Variants in MYO5A observed in about 807,000 individuals in gnomAD.
MYO5A encodes the protein myosin VA, also known as unconventional myosin-Va.
A neutral mutation model predicts 249.7 loss-of-function variants in MYO5A; 98 were observed. The ratio of observed to expected loss-of-function variants is 0.39; its 90% CI spans 0.33 to 0.46. MYO5A has a LOEUF of 0.46. Among genes scored for constraint, MYO5A ranks in the 20% least tolerant of loss-of-function variants. MYO5A has a pLI of 0.98. For synonymous variants in MYO5A, 778 were observed against 810.6 expected (o/e 0.96, Z 0.68); for missense variants, 1,696 against 2,308.8 (o/e 0.73, Z 5.44).
At chr15:52,350,164 C>G (rs2039869043) in intron 28 of MYO5A, among the ~76,000 whole-genome samples, 1 of 152,182 alleles carries the variant, frequency 6.6e-6, no homozygotes, top group African/African-American at 2.4e-5. Context: ...GATCTCCTGA[C>G]CTCGTGATCT....
At chr15:52,413,793 A>G (rs58043289) in intron 5 of MYO5A, among the ~76,000 whole-genome samples, 1 of 152,066 alleles carries the variant, frequency 6.6e-6, no homozygotes, top group African/African-American at 2.4e-5. Context: ...TCTTAATCCA[A>G]ATTCTTATAG....
chr15:52,372,751 A>G (rs890299820), intron 20 of MYO5A, among the ~76,000 whole-genome samples: 2 of 152,194 alleles, frequency 1.3e-5, no homozygotes, highest in African/African-American at 4.8e-5. Context: ...TTCTGTTGGC[A>G]ACAGATGATC....
chr15:52,409,435 G>GT (rs1886981637), intron 6 of MYO5A, among the ~76,000 whole-genome samples: 1 of 152,116 alleles, frequency 6.6e-6, no homozygotes, highest in Admixed American at 6.5e-5. Flanking sequence ...TACTTCATTT[G>GT]TATTGCCTTA....
chr15:52,337,959 A>G (rs2039196997), intron 32 of MYO5A, 75 bp from the exon 33 acceptor site: 9 of 876,702 alleles, frequency 1.0e-5, no homozygotes, highest in Non-Finnish European at 1.6e-5. Flanking sequence ...AGCAAAATCA[A>G]TTTTAAAATA....
rs1342075152 is a variant in MYO5A at position 52,312,153 on chromosome 15, C to T, written c.*1543G>A. Reference sequence around the variant, plus strand: ...GAACCAAATCCTCTGTAAAATTCAACAATCTTCTATTTCTTATATAAGTCT... The same window carrying T: ...GAACCAAATCCTCTGTAAAATTCAATAATCTTCTATTTCTTATATAAGTCT... On this transcript the variant is annotated 3_prime_UTR_variant, in exon 42 of 42. Coordinates refer to ENST00000399233, the MANE Select transcript of MYO5A (RefSeq NM_001382347.1). The T allele has an allele frequency of 2.0e-5, 3 of 152,140 alleles. No homozygotes were observed. Among genetic ancestry groups the T allele is most frequent in the Non-Finnish European group, 4.4e-5 (3 of 68,018 alleles). The allele number at this position is 152,140 out of a possible 1,614,324, so 9.4% of individuals were successfully genotyped here. A position where few individuals can be genotyped will look rare whatever the true frequency, so the allele number is the denominator to read the frequency against.
rs751293557 is a variant in MYO5A, at chr15:52,313,704, G to T, written c.5635C>A (p.Arg1879=). Residue 1879 remains arginine (R), a synonymous_variant, in exon 42 of 42, where the codon CGG becomes AGG. Coordinates refer to ENST00000399233, the MANE Select transcript of MYO5A (RefSeq NM_001382347.1). ...TTGCCTGGACATCACTTTCAGACCC[G>T]TGAAATGAAGCCCAGGCCGAGGCTG... ...PASLGLGFIS[R]V The T allele has an allele frequency of 2.5e-6, 4 of 1,614,140 alleles. No individual in the cohort carries two copies. In the South Asian group the frequency reaches 4.4e-5, roughly 18 times the overall value.
intron 24 of MYO5A, 109 bp from the exon 25 acceptor site, chr15:52,360,190 T>G: frequency 1.3e-6 from 1 of 756,106 alleles, no homozygotes; most frequent in Non-Finnish European, 2.3e-6. Context: ...TGACTTGTAT[T>G]GGTGCCCAAG....
rs1043884812 is a variant in MYO5A at position 52,488,435 on chromosome 15, A to G, written c.27+40345T>C. On this transcript the variant is annotated intron_variant, in intron 1 of 41. Coordinates refer to ENST00000399233, the MANE Select transcript of MYO5A (RefSeq NM_001382347.1). Reference sequence around the variant, plus strand: ...ATTAGTTGTACACATGATCAAATACATTCTATAAAGCAAATATGTGAACTC... The same window carrying G: ...ATTAGTTGTACACATGATCAAATACGTTCTATAAAGCAAATATGTGAACTC... Among the ~76,000 whole-genome samples the G allele has an allele frequency of 3.9e-5, 6 of 152,364 alleles. No individual in the cohort carries two copies. The Middle Eastern group carries it at 0.014, about 345-fold the overall frequency.
chr15:52,309,411 C>CT lies in MYO5A; in HGVS notation c.*4284dup, dbSNP rs1473187215. On this transcript the variant is annotated 3_prime_UTR_variant, in exon 42 of 42. Coordinates refer to ENST00000399233, the MANE Select transcript of MYO5A (RefSeq NM_001382347.1). ...GGTTCCCACATGCCAGCTGCCAACT[C>CT]TGATAAAAAAGCACCCCTTGCTGGC... The CT allele has an allele frequency of 6.6e-6, 1 of 152,266 alleles. No individual in the cohort carries two copies. The highest frequency in any genetic ancestry group is 6.5e-5 in the Admixed American group (1 of 15,284). 9.4% of individuals were successfully genotyped at this position (152,266 alleles called of 1,614,324 possible).
chr15:52,464,364 C>G (rs2076312979), intron 1 of MYO5A, among the ~76,000 whole-genome samples: 1 of 152,224 alleles, frequency 6.6e-6, no homozygotes, highest in African/African-American at 2.4e-5. Flanking sequence ...ACTACAAGTT[C>G]AATGCCATTG....
intron 1 of MYO5A, among the ~76,000 whole-genome samples, chr15:52,452,627 C>T (rs1027950028): frequency 1.3e-5 from 2 of 152,044 alleles, no homozygotes; most frequent in African/African-American, 2.4e-5. Flanking sequence ...CCTAGCCAGC[C>T]TTTCCACACT....
At chr15:52,469,545 G>C (rs901682742) in intron 1 of MYO5A, among the ~76,000 whole-genome samples, 7 of 152,158 alleles carry the variant, frequency 4.6e-5, no homozygotes, top group African/African-American at 1.7e-4. Context: ...AGCAGAGATA[G>C]AGGAGACAGA....
chr15:52,426,268 T>C (rs2075391815), intron 3 of MYO5A, among the ~76,000 whole-genome samples: 1 of 152,138 alleles, frequency 6.6e-6, no homozygotes, highest in Non-Finnish European at 1.5e-5. Flanking sequence ...AAATTCCACT[T>C]TACTTCTACA....
At chr15:52,474,825 A>T (rs975777072) in intron 1 of MYO5A, among the ~76,000 whole-genome samples, 6 of 152,170 alleles carry the variant, frequency 3.9e-5, no homozygotes, top group Non-Finnish European at 8.8e-5. Flanking sequence ...ATCGATGTTC[A>T]TCAGGGATAT....
At chr15:52,524,825 T>C (rs181340079) in intron 1 of MYO5A, among the ~76,000 whole-genome samples, 9 of 151,738 alleles carry the variant, frequency 5.9e-5, no homozygotes, top group Admixed American at 2.6e-4. Flanking sequence ...CCATGTTCAT[T>C]TCACTGCACT....
intron 14 of MYO5A, 57 bp downstream of exon 14, chr15:52,387,772 T>C (rs1162741622): frequency 1.5e-5 from 19 of 1,294,778 alleles, no homozygotes; most frequent in Non-Finnish European, 2.1e-5. Flanking sequence ...ATTTTTATTG[T>C]TAAAAAGCTA....
intron 34 of MYO5A, among the ~76,000 whole-genome samples, chr15:52,333,315 A>G (rs889146861): frequency 3.3e-5 from 5 of 152,220 alleles, no homozygotes; most frequent in Admixed American, 1.3e-4. Context: ...TCAAAAAGGA[A>G]AGAAAATTGG....
intron 16 of MYO5A, among the ~76,000 whole-genome samples, chr15:52,380,745 T>C (rs936246893): frequency 6.6e-6 from 1 of 152,106 alleles, no homozygotes; most frequent in South Asian, 2.1e-4. Context: ...CCAGCCTGGG[T>C]GACAGGGCGA....
chr15:52,386,841 C>T (rs1252570279), intron 14 of MYO5A, among the ~76,000 whole-genome samples: 1 of 152,162 alleles, frequency 6.6e-6, no homozygotes. Flanking sequence ...AGCTACAACA[C>T]CTGGTCTCGA....
Sources: allele counts gnomAD v4.1 joint callset (sites outside exome capture counted in the v4.1 genomes callset), GRCh38; gene constraint gnomAD v4.1.1; transcripts MANE v1.5; gene names NCBI Gene and HGNC (gene_info 2026-07-23, HGNC 2026-07-21).